The following RBFOX1 variants were observed in gnomAD, a reference collection of about 807,000 sequenced individuals.
The protein encoded by RBFOX1 is RNA binding protein fox-1 homolog 1.
Under a neutral mutation model 57.7 loss-of-function variants are expected in RBFOX1, and 8 were observed. That is an observed-to-expected ratio of 0.14 (90% confidence interval 0.08 to 0.25). RBFOX1 has a LOEUF of 0.25. Among genes scored for constraint, RBFOX1 ranks in the 10% least tolerant of loss-of-function variants. RBFOX1 has a pLI of 1.00. For missense variants in RBFOX1, 611 were observed against 548.5 expected (o/e 1.11, Z -1.14); for synonymous variants, 326 against 222.4 (o/e 1.47, Z -4.15).
chr16:6,024,546 T>C (rs2095149298), intron 1 of RBFOX1, among the ~76,000 whole-genome samples: 2 of 152,142 alleles, frequency 1.3e-5, no homozygotes, highest in Admixed American at 6.5e-5. Flanking sequence ...TGTAGTACAG[T>C]GGTGTGATCT....
At chr16:6,700,589 C>G (rs1436575780) in intron 3 of RBFOX1, among the ~76,000 whole-genome samples, 1 of 152,058 alleles carries the variant, frequency 6.6e-6, no homozygotes, top group Non-Finnish European at 1.5e-5. Flanking sequence ...ACCCGGGAGG[C>G]AGAGGTTGCA....
intron 1 of RBFOX1, among the ~76,000 whole-genome samples, chr16:6,112,077 G>GC (rs2096453078): frequency 6.6e-6 from 1 of 152,104 alleles, no homozygotes; most frequent in Admixed American, 6.6e-5. Context: ...GAAACACTTG[G>GC]CCCAGTGTAA....
chr16:6,411,276 T>G (rs746740872), intron 2 of RBFOX1, among the ~76,000 whole-genome samples: 2 of 152,206 alleles, frequency 1.3e-5, no homozygotes, highest in Non-Finnish European at 2.9e-5. Context: ...GCCACCACAC[T>G]TGGACCCTTT....
chr16:5,826,559 GT>G (rs2056063061), intron 3 of RBFOX1, among the ~76,000 whole-genome samples: 2 of 152,212 alleles, frequency 1.3e-5, no homozygotes, highest in African/African-American at 4.8e-5. Context: ...AATGGGTGTG[GT>G]TGTGTGTCAA....
intron 2 of RBFOX1, among the ~76,000 whole-genome samples, chr16:6,437,583 C>T (rs80015075): frequency 0.025 from 3,825 of 152,220 alleles, 123 homozygotes; most frequent in East Asian, 0.13. Flanking sequence ...TCCATTGCTA[C>T]ACTGCTATGA....
At chr16:5,424,765 C>G (rs933822421) in intron 1 of RBFOX1, among the ~76,000 whole-genome samples, 3 of 151,850 alleles carry the variant, frequency 2.0e-5, no homozygotes, top group African/African-American at 7.3e-5. Flanking sequence ...ATGAATGATC[C>G]CATCACCCAG....
intron 4 of RBFOX1, among the ~76,000 whole-genome samples, chr16:7,338,376 A>G (rs1296330351): frequency 2.6e-5 from 4 of 152,164 alleles, no homozygotes; most frequent in African/African-American, 9.6e-5. Context: ...TGGTTTAAAG[A>G]AACCCTATAC....
chr16:6,160,845 G>A (rs1349348167), intron 1 of RBFOX1, among the ~76,000 whole-genome samples: 10 of 152,112 alleles, frequency 6.6e-5, no homozygotes, highest in Admixed American at 5.9e-4. Context: ...TCCCATGAAT[G>A]CCTTAATCTC....
chr16:6,838,041 G>A (rs1344021683), intron 3 of RBFOX1, among the ~76,000 whole-genome samples: 4 of 151,668 alleles, frequency 2.6e-5, no homozygotes, highest in East Asian at 1.9e-4. Context: ...TTTAAGTTCC[G>A]GGATGCATGT....
chr16:7,247,801 C>T (rs2094360355), intron 4 of RBFOX1, among the ~76,000 whole-genome samples: 1 of 152,120 alleles, frequency 6.6e-6, no homozygotes, highest in South Asian at 2.1e-4. Flanking sequence ...TGGTTCCAAA[C>T]ACTGCATGTT....
At chr16:6,577,328 A>T (rs1429244112) in intron 2 of RBFOX1, 1 of 152,220 alleles carries the variant, frequency 6.6e-6, no homozygotes, top group Non-Finnish European at 1.5e-5. Context: ...ATTTCCACTG[A>T]AAGCAAAGGT....
intron 2 of RBFOX1, among the ~76,000 whole-genome samples, chr16:6,369,304 C>A (rs950654062): frequency 6.6e-6 from 1 of 151,972 alleles, no homozygotes; most frequent in Admixed American, 6.6e-5. Context: ...TTGAATTATT[C>A]CTTAGATGTA....
intron 1 of RBFOX1, among the ~76,000 whole-genome samples, chr16:5,445,353 ACAC>A (rs2068210325): frequency 6.6e-6 from 1 of 152,150 alleles, no homozygotes; most frequent in South Asian, 2.1e-4. Flanking sequence ...TACAAACTCA[ACAC>A]CCTGGAGTTT....
chr16:7,279,657 C>T (rs913673567), intron 4 of RBFOX1, among the ~76,000 whole-genome samples: 1 of 152,214 alleles, frequency 6.6e-6, no homozygotes, highest in Non-Finnish European at 1.5e-5. Context: ...CTGGGGGAAT[C>T]AGGCTATCTA....
intron 1 of RBFOX1, among the ~76,000 whole-genome samples, chr16:6,172,330 A>T: frequency 6.6e-6 from 1 of 152,176 alleles, no homozygotes; most frequent in East Asian, 1.9e-4. Context: ...AAGAAGGGAA[A>T]GCAGGAATGA....
intron 4 of RBFOX1, among the ~76,000 whole-genome samples, chr16:7,491,244 C>T (rs567152026): frequency 4.6e-5 from 7 of 151,964 alleles, no homozygotes; most frequent in African/African-American, 7.2e-5. Flanking sequence ...GGGTTTCCTC[C>T]GCAGGAACAC....
chr16:7,534,740 C>G (rs113965225), intron 5 of RBFOX1, among the ~76,000 whole-genome samples: 2,212 of 151,828 alleles, frequency 0.015, 29 homozygotes, highest in Non-Finnish European at 0.02. Flanking sequence ...AGGAGACTAT[C>G]CACTCGTAGC....
At chr16:5,720,609 A>G (rs919953482) in intron 3 of RBFOX1, among the ~76,000 whole-genome samples, 1 of 152,070 alleles carries the variant, frequency 6.6e-6, no homozygotes, top group Non-Finnish European at 1.5e-5. Flanking sequence ...GTTCATTTTT[A>G]TCTATGGTGG....
In RBFOX1 at chr16:6,875,470, C is replaced by T. The variant is rs146700596; in HGVS notation, c.-15-176587C>T. On this transcript the variant is annotated intron_variant, in intron 3 of 15. Transcript: ENST00000550418. ...TCACACAAGATTCGCTGAGAGTCTT[C>T]GAATTTTTTGAATCACCCTTAAGTG... Among the ~76,000 whole-genome samples, 32 of 152,166 alleles carry T rather than the reference C, an allele frequency of 2.1e-4. No individual in the cohort carries two copies. In the East Asian group the frequency reaches 5.0e-3, roughly 24 times the overall value.
Sources: allele counts gnomAD v4.1 joint callset (sites outside exome capture counted in the v4.1 genomes callset), GRCh38; gene constraint gnomAD v4.1.1; transcripts MANE v1.5; gene names NCBI Gene and HGNC (gene_info 2026-07-23, HGNC 2026-07-21).